SDK1: variants seen among roughly 807,000 people sequenced by gnomAD.
SDK1 encodes the protein sidekick cell adhesion molecule 1.
SDK1 carries 157 observed loss-of-function variants against 245.5 expected under a neutral mutation model. That is an observed-to-expected ratio of 0.64 (90% CI 0.56 to 0.73). The LOEUF (loss-of-function observed/expected upper bound fraction) is 0.73, where lower values mean the gene tolerates loss of function less well. SDK1 is among the 30% of genes least tolerant of loss of function. The pLI, the probability that SDK1 is intolerant of heterozygous loss-of-function variation, is 0.00. For synonymous variants in SDK1, 1,647 were observed against 1,278.5 expected (o/e 1.29, Z -6.15); for missense variants, 3,583 against 3,002.3 (o/e 1.19, Z -4.52).
intron 4 of SDK1, among the ~76,000 whole-genome samples, chr7:3,815,546 G>A (rs1440741202): frequency 1.2e-4 from 18 of 149,242 alleles, no homozygotes; most frequent in African/African-American, 4.5e-4. Flanking sequence ...TTGCATCAAT[G>A]TTCATCAAGG....
chr7:3,508,317 C>T (rs1782462705), intron 1 of SDK1, among the ~76,000 whole-genome samples: 2 of 131,194 alleles, frequency 1.5e-5, no homozygotes, highest in African/African-American at 5.9e-5. Flanking sequence ...CATTCTTCTT[C>T]TTCTTCTTCT....
chr7:3,340,794 G>A (rs148360222), intron 1 of SDK1, among the ~76,000 whole-genome samples: 1,685 of 149,790 alleles, frequency 0.011, 42 homozygotes, highest in African/African-American at 0.04. Context: ...CATCTATGAA[G>A]CACAATAAAG....
intron 35 of SDK1, among the ~76,000 whole-genome samples, chr7:4,197,985 C>T (rs542982099): frequency 1.3e-5 from 2 of 152,218 alleles, no homozygotes; most frequent in Admixed American, 1.3e-4. Flanking sequence ...ATGCTCAGCT[C>T]ATCCGTGGGA....
chr7:3,631,739 AATGATTTGGATTTAGATAATT>A (rs1782297796), intron 2 of SDK1, among the ~76,000 whole-genome samples: 1 of 152,134 alleles, frequency 6.6e-6, no homozygotes, highest in Non-Finnish European at 1.5e-5. Flanking sequence ...CTCATTGGTA[AATGATTTGGATTTAGATAATT>A]ATTGGTTCTT....
At chr7:3,670,917 C>T (rs769451983) in intron 4 of SDK1, among the ~76,000 whole-genome samples, 3 of 152,172 alleles carry the variant, frequency 2.0e-5, no homozygotes, top group Non-Finnish European at 4.4e-5. Flanking sequence ...AGGAAACCTT[C>T]TTTGATTCCT....
intron 35 of SDK1, among the ~76,000 whole-genome samples, chr7:4,194,068 G>A (rs1289560158): frequency 1.3e-5 from 2 of 152,022 alleles, no homozygotes; most frequent in Non-Finnish European, 2.9e-5. Flanking sequence ...ATATTAAGCA[G>A]CCAACTCCGG....
At chr7:3,323,053 C>T (rs919821567) in intron 1 of SDK1, among the ~76,000 whole-genome samples, 1 of 152,108 alleles carries the variant, frequency 6.6e-6, no homozygotes, top group Non-Finnish European at 1.5e-5. Context: ...CTGCCCATCT[C>T]GGCCTCCTAG....
chr7:3,548,361 C>A (rs1201699521), intron 1 of SDK1, among the ~76,000 whole-genome samples: 5 of 152,126 alleles, frequency 3.3e-5, no homozygotes, highest in Non-Finnish European at 7.4e-5. Flanking sequence ...TAAAAATACA[C>A]AAGTAATAGA....
chr7:3,656,000 A>AG (rs1251208263), intron 4 of SDK1, among the ~76,000 whole-genome samples: 1 of 152,218 alleles, frequency 6.6e-6, no homozygotes, highest in African/African-American at 2.4e-5. Flanking sequence ...TAAACCGTGA[A>AG]GTACGCATGG....
intron 13 of SDK1, among the ~76,000 whole-genome samples, chr7:3,983,962 C>T (rs371165085): frequency 1.3e-5 from 2 of 152,306 alleles, no homozygotes; most frequent in South Asian, 2.1e-4. Flanking sequence ...GCGGGTAGCT[C>T]TTGCCGCCTA....
At chr7:3,652,242 C>T (rs1350991137) in intron 4 of SDK1, among the ~76,000 whole-genome samples, 1 of 152,062 alleles carries the variant, frequency 6.6e-6, no homozygotes, top group Admixed American at 6.5e-5. Context: ...TTTTTTCTTA[C>T]CATGGGGGAT....
chr7:3,788,202 C>T lies in SDK1; in HGVS notation c.714-33248C>T, dbSNP rs114641979. On this transcript the variant is annotated intron_variant, in intron 4 of 44. Coordinates refer to ENST00000404826, the MANE Select transcript of SDK1 (RefSeq NM_152744.4). ...ACCAGCTTCTTCAGCAGTGTCCCCG[C>T]CTCTCAACAGTCATGGGTGGCTACT... Among the ~76,000 whole-genome samples the T allele has an allele frequency of 4.2e-3, 643 of 152,302 alleles. 7 individuals carry two copies. Among genetic ancestry groups the T allele is most frequent in the African/African-American group, 0.015 (624 of 41,560 alleles).
At chr7:3,836,978 AG>A (rs1780041979) in intron 5 of SDK1, among the ~76,000 whole-genome samples, 1 of 152,170 alleles carries the variant, frequency 6.6e-6, no homozygotes, top group Admixed American at 6.5e-5. Flanking sequence ...GGGTGCAGGA[AG>A]GGAGGCGAGC....
chr7:3,603,875 G>C (rs1781330271), intron 1 of SDK1, among the ~76,000 whole-genome samples: 1 of 152,158 alleles, frequency 6.6e-6, no homozygotes, highest in Non-Finnish European at 1.5e-5. Flanking sequence ...CTAATTTATT[G>C]AGAGTTTTAA....
At chr7:3,852,401 C>T (rs908413092) in intron 5 of SDK1, among the ~76,000 whole-genome samples, 5 of 151,604 alleles carry the variant, frequency 3.3e-5, no homozygotes, top group Admixed American at 6.6e-5. Context: ...ATCAGTTTCA[C>T]GAGTCTTGCA....
chr7:3,719,389 ACGCTTACTGTATCCTGACAGTAAT>A (rs1313161219), intron 4 of SDK1, among the ~76,000 whole-genome samples: 1 of 152,134 alleles, frequency 6.6e-6, no homozygotes, highest in Admixed American at 6.5e-5. Context: ...TCCAGTGTTA[ACGCTTACTGTATCCTGACAGTAAT>A]CGTGACTGTG....
At chr7:3,671,940 G>C (rs994161301) in intron 4 of SDK1, among the ~76,000 whole-genome samples, 1 of 152,132 alleles carries the variant, frequency 6.6e-6, no homozygotes, top group African/African-American at 2.4e-5. Context: ...AGCTGAACTT[G>C]ACTTATCCCT....
chr7:3,852,331 A>G (rs1396574132), intron 5 of SDK1, among the ~76,000 whole-genome samples: 1 of 152,074 alleles, frequency 6.6e-6, no homozygotes, highest in Non-Finnish European at 1.5e-5. Flanking sequence ...TGTGTTTGGA[A>G]GATATGTGCT....
At chr7:4,027,843 G>A (rs529650434) in intron 17 of SDK1, among the ~76,000 whole-genome samples, 4 of 152,206 alleles carry the variant, frequency 2.6e-5, no homozygotes, top group Non-Finnish European at 5.9e-5. Context: ...GGCAGCAAAC[G>A]GTCCTGGTAG....
Sources: gnomAD v4.1 joint callset for allele counts (sites outside exome capture counted in the v4.1 genomes callset) on GRCh38, gnomAD v4.1.1 for gene constraint, MANE v1.5 for transcripts, NCBI Gene and HGNC (gene_info 2026-07-23, HGNC 2026-07-21) for gene names.